The following ARPP21 variants were observed in gnomAD, a reference collection of about 807,000 sequenced individuals.
ARPP21 encodes the protein cAMP regulated phosphoprotein 21.
Under a neutral mutation model 113.2 loss-of-function variants are expected in ARPP21, and 69 were observed. That is an observed-to-expected ratio of 0.61 (90% CI 0.50 to 0.74). The LOEUF (loss-of-function observed/expected upper bound fraction) is 0.74, where lower values mean the gene tolerates loss of function less well. ARPP21 is among the 30% of genes least tolerant of loss of function. ARPP21 has a pLI of 0.00. For synonymous variants in ARPP21, 368 were observed against 375.5 expected, an observed-to-expected ratio of 0.98 and a Z score of 0.23; for missense variants, 1,070 against 1,037.4, an observed-to-expected ratio of 1.03 and a Z score of -0.43.
chr3:35,794,125 T>G lies in ARPP21; in HGVS notation c.*167T>G. The G allele has an allele frequency of 3.1e-6, 2 of 646,164 alleles. No homozygotes were observed. The highest frequency in any genetic ancestry group is 5.3e-6 in the Non-Finnish European group (2 of 375,504). 40.0% of individuals were successfully genotyped at this position (646,164 alleles called of 1,614,324 possible). On this transcript the variant is annotated 3_prime_UTR_variant, in exon 21 of 21. Coordinates refer to ENST00000684406, the MANE Select transcript of ARPP21 (RefSeq NM_001385562.1). ...AAGACTAATATACACGTTAGCTGGTTAATGGTGCATATTTCTGTCATGTCT... is the reference window on the plus strand; with the variant it reads ...AAGACTAATATACACGTTAGCTGGTGAATGGTGCATATTTCTGTCATGTCT...
At chr3:35,735,193 C>T (rs1028365948) in intron 15 of ARPP21, among the ~76,000 whole-genome samples, 6 of 152,150 alleles carry the variant, frequency 3.9e-5, no homozygotes, top group Admixed American at 3.9e-4. Context: ...AATCTTAGCT[C>T]ACAACAACCT....
chr3:35,709,145 C>G, intron 11 of ARPP21, 75 bp downstream of exon 11: 1 of 1,001,884 alleles, frequency 1.0e-6, no homozygotes, highest in Non-Finnish European at 1.5e-6. Context: ...CCCCAGACAG[C>G]GAGGTGGCAG....
At chr3:35,727,914 G>A (rs921376172) in intron 14 of ARPP21, among the ~76,000 whole-genome samples, 1 of 152,030 alleles carries the variant, frequency 6.6e-6, no homozygotes, top group Admixed American at 6.6e-5. Context: ...TAAATGGTGG[G>A]ACAGAAGAGA....
chr3:35,664,265 C>T (rs1416671578), intron 1 of ARPP21, among the ~76,000 whole-genome samples: 1 of 152,126 alleles, frequency 6.6e-6, no homozygotes, highest in Admixed American at 6.5e-5. Context: ...TTAGCATATC[C>T]ATCACCTCAA....
chr3:35,695,006 A>C (rs369538742), intron 9 of ARPP21, among the ~76,000 whole-genome samples: 4 of 149,678 alleles, frequency 2.7e-5, no homozygotes, highest in East Asian at 3.9e-4. Context: ...TAAATATAAA[A>C]ATGTAAGCTT....
At chr3:35,773,809 T>C (rs1055552035) in intron 19 of ARPP21, among the ~76,000 whole-genome samples, 5 of 152,206 alleles carry the variant, frequency 3.3e-5, no homozygotes, top group African/African-American at 1.2e-4. Context: ...TTTTAGTTAG[T>C]TAATAATAAA....
chr3:35,683,035 T>C, intron 4 of ARPP21, 146 bp downstream of exon 4: 1 of 707,802 alleles, frequency 1.4e-6, no homozygotes, highest in East Asian at 2.7e-5. Flanking sequence ...TGGCTGTTTT[T>C]GATGGGGTTA....
chr3:35,761,265 A>G (rs1168855281), intron 19 of ARPP21, among the ~76,000 whole-genome samples: 4 of 152,100 alleles, frequency 2.6e-5, no homozygotes, highest in Non-Finnish European at 5.9e-5. Context: ...ATATTTAGAG[A>G]TGCATTTGGA....
chr3:35,731,220 G>T (rs2093934583), intron 15 of ARPP21, among the ~76,000 whole-genome samples: 1 of 152,112 alleles, frequency 6.6e-6, no homozygotes, highest in Admixed American at 6.5e-5. Context: ...AATATTATTT[G>T]TAATGACAGC....
rs200209237 is a variant in ARPP21 at position 35,737,329 on chromosome 3, G to A, written c.1611G>A (p.Pro537=). Residue 537 remains proline, a synonymous_variant, in exon 16 of 21, where the codon CCG becomes CCA. Transcript: ENST00000684406. ...AGCCCCAACAGCAGGTCCAGCCACC[G>A]CAGCCACAGATGGCAGGCCCTCTGG... is the stretch of plus-strand genomic sequence containing the variant. ...SPQPQQQVQP[P]QPQMAGPLVT... is the part of the protein sequence containing the mutation. 29 of 1,611,316 alleles carry A rather than the reference G, an allele frequency of 1.8e-5. No homozygotes were observed. The African/African-American group carries it at 1.9e-4, about 10-fold the overall frequency.
chr3:35,738,365 C>T, intron 17 of ARPP21, 47 bp downstream of exon 17: 3 of 1,454,984 alleles, frequency 2.1e-6, no homozygotes, highest in South Asian at 2.4e-5. Context: ...AAAGCATATT[C>T]TCTGATTTTA....
In ARPP21 at chr3:35,681,787, A is replaced by G. The variant is rs750635987; in HGVS notation, c.36A>G (p.Ala12=). ...AAGGAGACCTGAATCAGGCAATAGC[A>G]GAGGAAGGAGGGACTGAGCAGGAGA... ...SEQGDLNQAI[A]EEGGTEQETA... is the part of the protein sequence containing the mutation. Residue 12 remains alanine (A), a synonymous_variant, in exon 3 of 21, where the codon GCA becomes GCG. Coordinates refer to ENST00000684406, the MANE Select transcript of ARPP21 (RefSeq NM_001385562.1). 1 of 1,611,672 alleles carries G rather than the reference A, an allele frequency of 6.2e-7. No homozygotes were observed. Among genetic ancestry groups the G allele is most frequent in the Non-Finnish European group, 8.5e-7 (1 of 1,178,398 alleles).
chr3:35,757,069 ATTT>A (rs142766845), intron 19 of ARPP21, among the ~76,000 whole-genome samples: 8 of 137,026 alleles, frequency 5.8e-5, no homozygotes, highest in Non-Finnish European at 6.3e-5. Context: ...CCTTTTAGTG[ATTT>A]TTTTTTTTTT....
rs146628327 is a variant in ARPP21, at chr3:35,727,847, G to A, written c.1226-1456G>A. On this transcript the variant is annotated intron_variant, in intron 14 of 20. Coordinates refer to ENST00000684406, the MANE Select transcript of ARPP21 (RefSeq NM_001385562.1). ...CTGGGGTTGCTTGTCTCTTGCTGTA[G>A]TGAAATGCCAGTGAGTGCCCAATGG... 3.6e-3 allele frequency among the ~76,000 whole-genome samples: 542 copies of A among 152,264 alleles called. 3 individuals are homozygous for A. The highest frequency in any genetic ancestry group is 0.012 in the African/African-American group (502 of 41,558).
In ARPP21 at chr3:35,687,875, T is replaced by C. The variant is rs2081075100; in HGVS notation, c.398T>C (p.Leu133Ser). ...TCTGAAAAACCCAAGATCAGAATGTTATCAAAAGGTGAATGTGAAAATATT... is the reference window on the plus strand; with the variant it reads ...TCTGAAAAACCCAAGATCAGAATGTCATCAAAAGGTGAATGTGAAAATATT... ...KTSEKPKIRM[L>S]SKDCSQEYTD... Residue 133 changes from leucine (L) to serine (S), a missense_variant, in exon 6 of 21, where the codon TTA (leucine) becomes TCA (serine). Coordinates refer to ENST00000684406, the MANE Select transcript of ARPP21 (RefSeq NM_001385562.1). 6.3e-7 allele frequency: 1 copy of C among 1,582,382 alleles called. No homozygotes were observed. Among genetic ancestry groups the C allele is most frequent in the African/African-American group, 1.4e-5 (1 of 72,434 alleles).
intron 7 of ARPP21, 142 bp from the exon 8 acceptor site, chr3:35,689,939 T>A: frequency 1.8e-6 from 1 of 563,798 alleles, no homozygotes; most frequent in South Asian, 2.5e-5. Context: ...ATGTAAATGG[T>A]CAGCATATTC....
intron 1 of ARPP21, among the ~76,000 whole-genome samples, 187 bp downstream of exon 1, chr3:35,640,585 G>A (rs1358258244): frequency 6.6e-6 from 1 of 152,162 alleles, no homozygotes; most frequent in Non-Finnish European, 1.5e-5. Flanking sequence ...CGTCAAGGAG[G>A]GATGGACGCT....
At chr3:35,696,770 G>A (rs1197237284) in intron 9 of ARPP21, among the ~76,000 whole-genome samples, 1 of 151,094 alleles carries the variant, frequency 6.6e-6, no homozygotes, top group African/African-American at 2.4e-5. Flanking sequence ...TTAGGATTTA[G>A]GTTAAAAATA....
At chr3:35,723,407 G>C (rs1463391325) in intron 14 of ARPP21, among the ~76,000 whole-genome samples, 1 of 152,176 alleles carries the variant, frequency 6.6e-6, no homozygotes, top group African/African-American at 2.4e-5. Flanking sequence ...TTCTTGGAAA[G>C]ATTCAGATGG....
Sources: gnomAD v4.1 joint callset for allele counts (sites outside exome capture counted in the v4.1 genomes callset) on GRCh38, gnomAD v4.1.1 for gene constraint, MANE v1.5 for transcripts, NCBI Gene and HGNC (gene_info 2026-07-23, HGNC 2026-07-21) for gene names.